The following SGCD variants were observed in gnomAD, a reference collection of about 807,000 sequenced individuals.
The protein encoded by SGCD is delta-sarcoglycan.
SGCD carries 18 observed loss-of-function variants against 36.6 expected under a neutral mutation model. That is an observed-to-expected ratio of 0.49 (90% CI 0.34 to 0.73). SGCD has a LOEUF of 0.73. Among genes scored for constraint, SGCD ranks in the 30% least tolerant of loss-of-function variants. The pLI is 0.01. For missense variants in SGCD, 387 were observed against 346.7 expected (o/e 1.12, Z -0.92); for synonymous variants, 133 against 130.6 (o/e 1.02, Z -0.12).
chr5:155,819,478 TAAC>T, the SGCD span, among the ~76,000 whole-genome samples: 5 of 152,286 alleles, frequency 3.3e-5, no homozygotes, highest in East Asian at 9.6e-4. Context: ...ATGGTAATAA[TAAC>T]AAAAACCACT....
chr5:156,330,872 T>C (rs1768039101), intron 2 of SGCD, among the ~76,000 whole-genome samples: 1 of 152,214 alleles, frequency 6.6e-6, no homozygotes, highest in Non-Finnish European at 1.5e-5. Context: ...CCTGGCTGTG[T>C]GGCCATAGGC....
At chr5:156,382,228 A>G (rs758806111) in intron 3 of SGCD, among the ~76,000 whole-genome samples, 1 of 152,078 alleles carries the variant, frequency 6.6e-6, no homozygotes, top group African/African-American at 2.4e-5. Context: ...TGCCTCTTAG[A>G]TGGTCACCTG....
chr5:156,588,603 G>A (rs1046459487), intron 4 of SGCD, among the ~76,000 whole-genome samples: 1 of 152,140 alleles, frequency 6.6e-6, no homozygotes, highest in African/African-American at 2.4e-5. Context: ...TTAGATAAAG[G>A]GCAGAGTAGA....
intron 3 of SGCD, among the ~76,000 whole-genome samples, chr5:156,430,416 T>G (rs1773885190): frequency 6.6e-6 from 1 of 152,102 alleles, no homozygotes; most frequent in Non-Finnish European, 1.5e-5. Flanking sequence ...CTGGATTTTT[T>G]TAAGTTGGTT....
At chr5:155,932,022 G>A (rs1757105736) in intron 1 of SGCD, among the ~76,000 whole-genome samples, 1 of 152,146 alleles carries the variant, frequency 6.6e-6, no homozygotes, top group African/African-American at 2.4e-5. Context: ...CACTAATCCA[G>A]TTAATGAAGT....
intron 6 of SGCD, among the ~76,000 whole-genome samples, chr5:156,633,156 G>T (rs1762699528): frequency 6.6e-6 from 1 of 152,164 alleles, no homozygotes; most frequent in Non-Finnish European, 1.5e-5. Flanking sequence ...ACCTATGTTT[G>T]GAAGTTAAAA....
intron 3 of SGCD, among the ~76,000 whole-genome samples, chr5:156,236,881 T>A (rs1175383946): frequency 1.3e-5 from 2 of 151,336 alleles, no homozygotes; most frequent in African/African-American, 4.9e-5. Context: ...TTGCCTAGGA[T>A]GGAGCACAGC....
the SGCD span, among the ~76,000 whole-genome samples, chr5:155,766,674 A>C: frequency 6.6e-6 from 1 of 152,176 alleles, no homozygotes; most frequent in Non-Finnish European, 1.5e-5. Flanking sequence ...TTACATTAAG[A>C]ATTACCAGAA....
At chr5:155,945,436 G>A (rs1350159177) in intron 1 of SGCD, among the ~76,000 whole-genome samples, 3 of 152,198 alleles carry the variant, frequency 2.0e-5, no homozygotes, top group African/African-American at 7.2e-5. Flanking sequence ...TCCACTCATA[G>A]GATTTACAGT....
chr5:156,343,092 T>C (rs995167440), intron 2 of SGCD, among the ~76,000 whole-genome samples: 1 of 141,116 alleles, frequency 7.1e-6, no homozygotes, highest in African/African-American at 2.8e-5. Flanking sequence ...ATGTGTCCAT[T>C]TTAATGATTA....
At chr5:156,088,391 C>G (rs1189624985) in intron 1 of SGCD, among the ~76,000 whole-genome samples, 1 of 152,176 alleles carries the variant, frequency 6.6e-6, no homozygotes, top group Admixed American at 6.5e-5. Flanking sequence ...CACCTGACAT[C>G]TATTCCCCTG....
chr5:156,118,707 C>T (rs1220808575), intron 2 of SGCD, among the ~76,000 whole-genome samples: 3 of 152,090 alleles, frequency 2.0e-5, no homozygotes, highest in African/African-American at 7.2e-5. Context: ...TTTGATTTCA[C>T]CATTCAATTT....
chr5:155,799,392 C>CTTTTTTT, the SGCD span, among the ~76,000 whole-genome samples: 1 of 148,116 alleles, frequency 6.8e-6, no homozygotes. Context: ...AGGACAATGA[C>CTTTTTTT]TTTATTTTTT....
the SGCD span, among the ~76,000 whole-genome samples, chr5:155,736,197 A>G: frequency 1.3e-5 from 2 of 152,208 alleles, no homozygotes; most frequent in Non-Finnish European, 1.5e-5. Flanking sequence ...TCATCGGTGT[A>G]ATATATCGCA....
chr5:156,361,411 A>G (rs138413957), intron 3 of SGCD, among the ~76,000 whole-genome samples: 2 of 152,348 alleles, frequency 1.3e-5, no homozygotes, highest in East Asian at 3.9e-4. Context: ...TTGGCAAAGT[A>G]CCTAATCTTC....
intron 1 of SGCD, among the ~76,000 whole-genome samples, chr5:155,955,780 G>A (rs560451696): frequency 6.6e-6 from 1 of 152,192 alleles, no homozygotes; most frequent in East Asian, 1.9e-4. Context: ...ATTATGAACA[G>A]AAAAACAAAG....
intron 3 of SGCD, among the ~76,000 whole-genome samples, chr5:156,209,813 C>T (rs1581169600): frequency 6.6e-6 from 1 of 152,136 alleles, no homozygotes; most frequent in East Asian, 1.9e-4. Context: ...TCTCTGTAAA[C>T]TGAGGCCCCA....
the SGCD span, among the ~76,000 whole-genome samples, chr5:155,804,220 CAT>C: frequency 6.6e-6 from 1 of 152,180 alleles, no homozygotes; most frequent in Non-Finnish European, 1.5e-5. Context: ...GTCTTCAAAG[CAT>C]ACACACATTA....
At chr5:156,122,424 C>A (rs1762064163) in intron 2 of SGCD, among the ~76,000 whole-genome samples, 1 of 152,038 alleles carries the variant, frequency 6.6e-6, no homozygotes, top group Non-Finnish European at 1.5e-5. Flanking sequence ...TATGAGTTTA[C>A]AATTTTAAAC....
Sources: allele counts gnomAD v4.1 joint callset (sites outside exome capture counted in the v4.1 genomes callset), GRCh38; gene constraint gnomAD v4.1.1; transcripts MANE v1.5; gene names NCBI Gene and HGNC (gene_info 2026-07-23, HGNC 2026-07-21).